Variants in FRMPD2 observed in about 807,000 individuals in gnomAD.
FRMPD2 encodes FERM and PDZ domain containing 2.
Under a neutral mutation model 140.1 loss-of-function variants are expected in FRMPD2, and 96 were observed. The observed-to-expected ratio is 0.69, with a 90% CI of 0.58 to 0.81. The LOEUF (loss-of-function observed/expected upper bound fraction) is 0.81. FRMPD2 is among the 40% of genes least tolerant of loss of function. The probability of loss-of-function intolerance (pLI) is 0.00; values close to 1 mark genes in which losing one functional copy is unlikely to be tolerated. For missense variants in FRMPD2, 1,240 were observed against 1,447.4 expected (o/e 0.86, Z 2.32); for synonymous variants, 449 against 547.6 (o/e 0.82, Z 2.52).
intron 15 of FRMPD2, among the ~76,000 whole-genome samples, chr10:48,196,095 G>A (rs78357963): frequency 1.1e-3 from 166 of 152,248 alleles, no homozygotes; most frequent in East Asian, 2.3e-3. Context: ...AGTTAGGAAC[G>A]TGCTGCAGGC....
chr10:48,216,215 G>T (rs931435527), intron 12 of FRMPD2, among the ~76,000 whole-genome samples: 1 of 152,124 alleles, frequency 6.6e-6, no homozygotes, highest in Non-Finnish European at 1.5e-5. Context: ...TCTCTAGATA[G>T]ACAGACAGAA....
chr10:48,251,866 T>A, intron 1 of FRMPD2, 175 bp from the exon 2 acceptor site: 1 of 625,016 alleles, frequency 1.6e-6, no homozygotes, highest in East Asian at 2.8e-5. Context: ...ACAGAGGAGT[T>A]AAAGAAATGT....
At chr10:48,193,695 G>A (rs959337959) in intron 15 of FRMPD2, among the ~76,000 whole-genome samples, 1 of 152,164 alleles carries the variant, frequency 6.6e-6, no homozygotes, top group African/African-American at 2.4e-5. Context: ...AAACCAAGAA[G>A]GAAAGAACGG....
intron 16 of FRMPD2, among the ~76,000 whole-genome samples, chr10:48,191,932 G>A (rs369258598): frequency 1.3e-5 from 2 of 152,174 alleles, no homozygotes; most frequent in Non-Finnish European, 2.9e-5. Flanking sequence ...AGCTGCTTGT[G>A]TTCAAATCCT....
intron 3 of FRMPD2, 174 bp downstream of exon 3, chr10:48,248,846 GA>G (rs1588853912): frequency 2.1e-6 from 1 of 486,754 alleles, no homozygotes. Context: ...CCTTGTCCAT[GA>G]GCTAGTAAGT....
chr10:48,205,318 A>C (rs901338183), intron 14 of FRMPD2, among the ~76,000 whole-genome samples: 1 of 152,258 alleles, frequency 6.6e-6, no homozygotes, highest in Non-Finnish European at 1.5e-5. Flanking sequence ...TTTAATCAAG[A>C]AATTAATCAA....
intron 21 of FRMPD2, among the ~76,000 whole-genome samples, chr10:48,179,914 C>T (rs1838500619): frequency 6.6e-6 from 1 of 152,228 alleles, no homozygotes; most frequent in African/African-American, 2.4e-5. Context: ...TCTTGCCAGC[C>T]TTTGGAGAAA....
At chr10:48,181,887 T>TATACACACACACACAC (rs1554792723) in intron 20 of FRMPD2, among the ~76,000 whole-genome samples, 1 of 111,526 alleles carries the variant, frequency 9.0e-6, no homozygotes, top group African/African-American at 3.2e-5. Flanking sequence ...ATGGCTCTCA[T>TATACACACACACACAC]ACACACACAC....
intron 16 of FRMPD2, among the ~76,000 whole-genome samples, chr10:48,188,302 CTG>C (rs752685705): frequency 1.3e-5 from 2 of 152,162 alleles, no homozygotes; most frequent in Non-Finnish European, 2.9e-5. Flanking sequence ...GAGCTTGGCA[CTG>C]TGCAAAGAGG....
intron 17 of FRMPD2, among the ~76,000 whole-genome samples, chr10:48,186,688 C>T (rs1037890802): frequency 4.6e-5 from 7 of 152,234 alleles, no homozygotes; most frequent in African/African-American, 1.7e-4. Context: ...TCTTTATCAG[C>T]AGCGTGAAAA....
In FRMPD2 at chr10:48,189,113, A is replaced by G. The variant is rs138160686; in HGVS notation, c.2166-1821T>C. ...GTGTATTTTACCACCATTTAAAAAC[A>G]TTTTAAACGTGAACTTTAAAAAAAT... On this transcript the variant is annotated intron_variant, in intron 16 of 28. Coordinates refer to ENST00000374201, the MANE Select transcript of FRMPD2 (RefSeq NM_001018071.4). Among the ~76,000 whole-genome samples the G allele has an allele frequency of 3.0e-4, 46 of 152,332 alleles. 1 individual carries two copies. In the East Asian group the frequency reaches 8.5e-3, roughly 28 times the overall value.
chr10:48,269,837 C>T (rs1840737045), intron 1 of FRMPD2, among the ~76,000 whole-genome samples: 1 of 152,132 alleles, frequency 6.6e-6, no homozygotes, highest in African/African-American at 2.4e-5. Flanking sequence ...TGGGAGACAG[C>T]CAAGGTGTGA....
At chr10:48,229,225 A>G (rs1172853074) in intron 10 of FRMPD2, among the ~76,000 whole-genome samples, 2 of 152,082 alleles carry the variant, frequency 1.3e-5, no homozygotes, top group Admixed American at 6.5e-5. Flanking sequence ...TAGCTCTTTT[A>G]TTACTTAAAA....
At chr10:48,250,136 C>T (rs1034579646) in intron 2 of FRMPD2, among the ~76,000 whole-genome samples, 10 of 152,176 alleles carry the variant, frequency 6.6e-5, no homozygotes, top group African/African-American at 2.4e-4. Context: ...GTGACTCGCC[C>T]GAGCCCACCT....
intron 1 of FRMPD2, among the ~76,000 whole-genome samples, chr10:48,272,967 G>A (rs958047262): frequency 2.6e-5 from 4 of 152,136 alleles, no homozygotes; most frequent in African/African-American, 9.7e-5. Flanking sequence ...CTGACCAAGG[G>A]TATAAGAGTT....
intron 1 of FRMPD2, among the ~76,000 whole-genome samples, chr10:48,268,006 G>A (rs1345637803): frequency 6.6e-6 from 1 of 152,162 alleles, no homozygotes; most frequent in Non-Finnish European, 1.5e-5. Flanking sequence ...TCACATGTAG[G>A]ATGTCTACAA....
At chr10:48,211,363 G>C (rs903004621) in intron 13 of FRMPD2, among the ~76,000 whole-genome samples, 1 of 152,228 alleles carries the variant, frequency 6.6e-6, no homozygotes, top group Non-Finnish European at 1.5e-5. Flanking sequence ...TGCCTGCAGG[G>C]CTGCAAACTT....
intron 20 of FRMPD2, among the ~76,000 whole-genome samples, chr10:48,181,909 C>CAT (rs995515843): frequency 2.2e-5 from 3 of 138,170 alleles, no homozygotes; most frequent in African/African-American, 7.8e-5. Context: ...CACACACACA[C>CAT]ACAGACACGC....
chr10:48,250,515 C>T (rs2131966313), intron 2 of FRMPD2, among the ~76,000 whole-genome samples: 1 of 152,318 alleles, frequency 6.6e-6, no homozygotes, highest in Non-Finnish European at 1.5e-5. Context: ...ATTCTCCTGC[C>T]TCAGCCTCCC....
Sources: allele counts gnomAD v4.1 joint callset (sites outside exome capture counted in the v4.1 genomes callset), GRCh38; gene constraint gnomAD v4.1.1; transcripts MANE v1.5; gene names NCBI Gene and HGNC (gene_info 2026-07-23, HGNC 2026-07-21).